SNX19: variants seen among roughly 807,000 people sequenced by gnomAD.
The protein encoded by SNX19 is sorting nexin 19, also known as sorting nexin-19.
SNX19 carries 60 observed loss-of-function variants against 85.2 expected under a neutral mutation model. That is an observed-to-expected ratio of 0.70 (90% CI 0.57 to 0.87). The LOEUF is 0.87. Ranked by LOEUF, SNX19 falls within the 40% of genes least tolerant of loss-of-function variation. SNX19 has a pLI of 0.00. For missense variants in SNX19, 1,201 were observed against 1,217.8 expected (o/e 0.99, Z 0.21); for synonymous variants, 520 against 470.0 (o/e 1.11, Z -1.38).
At chr11:130,902,956 A>G (rs1246633238) in intron 8 of SNX19, 4 of 279,354 alleles carry the variant, frequency 1.4e-5, no homozygotes, top group Non-Finnish European at 2.7e-5. Flanking sequence ...GCTGGAGGAT[A>G]TAACTGGGTG....
In SNX19 at chr11:130,878,410, G is replaced by T. The variant is rs376090100; in HGVS notation, c.*12C>A. On this transcript the variant is annotated 3_prime_UTR_variant, in exon 11 of 11. Transcript: ENST00000265909. ...TACTTCCCTGACCTGGGAAGAAGGC[G>T]TGAATAACCAGCTAAGAGGAGACAC... 1.9e-6 allele frequency: 3 copies of T among 1,612,320 alleles called. No individual in the cohort carries two copies. Among genetic ancestry groups the T allele is most frequent in the Non-Finnish European group, 2.5e-6 (3 of 1,179,016 alleles).
chr11:130,898,183 T>C (rs1271138266), intron 8 of SNX19, among the ~76,000 whole-genome samples: 5 of 147,218 alleles, frequency 3.4e-5, no homozygotes, highest in Admixed American at 2.7e-4. Context: ...GGATAGAGAG[T>C]GTGCTTATAA....
chr11:130,879,169 G>C (rs557261806), intron 10 of SNX19, among the ~76,000 whole-genome samples: 1 of 152,276 alleles, frequency 6.6e-6, no homozygotes, highest in East Asian at 1.9e-4. Context: ...TCCTGGTCTT[G>C]ACATGAATCA....
intron 5 of SNX19, 94 bp downstream of exon 5, chr11:130,907,859 C>A: frequency 6.4e-7 from 1 of 1,559,624 alleles, no homozygotes; most frequent in Non-Finnish European, 8.7e-7. Flanking sequence ...ACCTCCTTTC[C>A]TCTAGGGCTT....
At chr11:130,908,624 T>G (rs1308789333) in intron 4 of SNX19, among the ~76,000 whole-genome samples, 1 of 152,226 alleles carries the variant, frequency 6.6e-6, no homozygotes, top group East Asian at 1.9e-4. Flanking sequence ...CAATTTCTCT[T>G]CTTTAGGTAC....
At chr11:130,902,007 A>T (rs772962399) in intron 8 of SNX19, among the ~76,000 whole-genome samples, 2 of 152,206 alleles carry the variant, frequency 1.3e-5, no homozygotes, top group African/African-American at 2.4e-5. Flanking sequence ...AGGGACAAAG[A>T]CCAGTCAGCA....
intron 1 of SNX19, among the ~76,000 whole-genome samples, chr11:130,912,929 C>T (rs2135420150): frequency 6.6e-6 from 1 of 152,258 alleles, no homozygotes; most frequent in South Asian, 2.1e-4. Context: ...AATTTAAAAT[C>T]AGTTATATGT....
chr11:130,879,487 T>TAG (rs1411066803), intron 10 of SNX19, 137 bp downstream of exon 10: 35 of 692,478 alleles, frequency 5.1e-5, no homozygotes, highest in Non-Finnish European at 8.3e-5. Context: ...TCAAACTCTG[T>TAG]AGTCAGTGCC....
In SNX19 at chr11:130,915,094, G is replaced by A. The variant is rs1277595983; in HGVS notation, c.846C>T (p.Pro282=). 1.9e-6 allele frequency: 3 copies of A among 1,613,526 alleles called. No individual in the cohort carries two copies. The highest frequency in any genetic ancestry group is 2.2e-5 in the East Asian group (1 of 44,870). ...RDPAPCPASA[P]EQPSVPTSLP... Reference sequence around the variant, plus strand: ...GAGATGTCGGCACTGAGGGCTGTTCGGGGGCACTGGCTGGGCAGGGTGCTG... The same window carrying A: ...GAGATGTCGGCACTGAGGGCTGTTCAGGGGCACTGGCTGGGCAGGGTGCTG... The change falls in exon 1 of 11, where the codon CCC becomes CCT. Residue 282 remains proline, a synonymous_variant. Coordinates refer to ENST00000265909, the MANE Select transcript of SNX19 (RefSeq NM_014758.3).
chr11:130,889,841 A>T (rs1944374794), intron 8 of SNX19, among the ~76,000 whole-genome samples: 1 of 152,192 alleles, frequency 6.6e-6, no homozygotes. Flanking sequence ...CAGAAAATTT[A>T]AAAACCTTGC....
chr11:130,869,415 T>C lies in SNX19; in HGVS notation c.*9007A>G, dbSNP rs1420887498. The C allele has an allele frequency of 6.6e-6, 1 of 152,244 alleles. No homozygotes were observed. Among genetic ancestry groups the C allele is most frequent in the East Asian group, 1.9e-4 (1 of 5,200 alleles). 9.4% of individuals were successfully genotyped at this position (152,244 alleles called of 1,614,324 possible). On this transcript the variant is annotated 3_prime_UTR_variant, in exon 11 of 11. Coordinates refer to ENST00000265909, the MANE Select transcript of SNX19 (RefSeq NM_014758.3). Reference sequence around the variant, plus strand: ...TCATCTTTCCCATTTGAGCATTAATTACTCAGTATTTTCTCATCAGTTTTC... The same window carrying C: ...TCATCTTTCCCATTTGAGCATTAATCACTCAGTATTTTCTCATCAGTTTTC...
At chr11:130,887,956 G>A (rs1944202984) in intron 8 of SNX19, among the ~76,000 whole-genome samples, 1 of 152,026 alleles carries the variant, frequency 6.6e-6, no homozygotes, top group African/African-American at 2.4e-5. Context: ...AAGAACATAG[G>A]GGATTGAGCC....
chr11:130,915,214 G>C lies in SNX19; in HGVS notation c.726C>G (p.Ile242Met). The change falls in exon 1 of 11, where the codon ATC becomes ATG. Residue 242 changes from isoleucine to methionine, a missense_variant. By Grantham distance (10) the Ile-to-Met change is conservative. Around this residue, in one of 3 missense-constraint regions of SNX19, gnomAD observed 791 missense variants for 750.9 expected, o/e 1.05. Coordinates refer to ENST00000265909, the MANE Select transcript of SNX19 (RefSeq NM_014758.3). ...RTGRHVVVELITCNVILPLIS... is the reference protein window; with the variant it reads ...RTGRHVVVELMTCNVILPLIS... ...TCAGTGGTAAGATTACATTGCATGTGATGAGTTCGACCACTACATGGCGTC... is the reference window on the plus strand; with the variant it reads ...TCAGTGGTAAGATTACATTGCATGTCATGAGTTCGACCACTACATGGCGTC... 6.2e-7 allele frequency: 1 copy of C among 1,614,248 alleles called. No homozygotes were observed. The highest frequency in any genetic ancestry group is 8.5e-7 in the Non-Finnish European group (1 of 1,180,050).
Position 130,884,738 on chromosome 11 carries a change from C to T in SNX19, c.2574-3932G>A, listed in dbSNP as rs75070285. Among the ~76,000 whole-genome samples the T allele has an allele frequency of 6.7e-3, 1,018 of 151,748 alleles. 6 individuals carry two copies. Among genetic ancestry groups the T allele is most frequent in the Non-Finnish European group, 0.01 (689 of 67,902 alleles). The stretch of plus-strand genomic sequence containing the variant: ...AAAAAAAATTAGCTGGGCACGGTGG[C>T]GCACGCCTGTAGTCTCCAGCTACTC... On this transcript the variant is annotated intron_variant, in intron 8 of 10. Transcript: ENST00000265909.
intron 1 of SNX19, 74 bp downstream of exon 1, chr11:130,914,192 G>T: frequency 7.8e-7 from 1 of 1,282,990 alleles, no homozygotes; most frequent in Non-Finnish European, 1.1e-6. Context: ...TCTCCCCCAA[G>T]AACATTTGCT....
rs1322606281 is a variant in SNX19 at position 130,872,015 on chromosome 11, G to GT, written c.*6406dup. Among the ~76,000 whole-genome samples, 1 of 152,048 alleles carries GT rather than the reference G, an allele frequency of 6.6e-6. No individual in the cohort carries two copies. The highest frequency in any genetic ancestry group is 2.4e-5 in the African/African-American group (1 of 41,422). On this transcript the variant is annotated 3_prime_UTR_variant, in exon 11 of 11. Coordinates refer to ENST00000265909, the MANE Select transcript of SNX19 (RefSeq NM_014758.3). Reference sequence around the variant, plus strand: ...TCTTGATTACTGTTACCTTCGTTTTGTTTTTTTAATTCTCCCCTCCTAAGC... The same window carrying GT: ...TCTTGATTACTGTTACCTTCGTTTTGTTTTTTTTAATTCTCCCCTCCTAAGC...
At chr11:130,898,157 T>TA (rs1945008965) in intron 8 of SNX19, among the ~76,000 whole-genome samples, 1 of 151,562 alleles carries the variant, frequency 6.6e-6, no homozygotes, top group South Asian at 2.1e-4. Context: ...ACTCTGTTTT[T>TA]TTTTTTTCCT....
rs1297459941 is a variant in SNX19, at chr11:130,876,183, C to A, written c.*2239G>T. 6.6e-6 allele frequency: 1 copy of A among 152,194 alleles called. No individual in the cohort carries two copies. Among genetic ancestry groups the A allele is most frequent in the Non-Finnish European group, 1.5e-5 (1 of 68,028 alleles). The allele number at this position is 152,194 out of a possible 1,614,324, so 9.4% of individuals were successfully genotyped here. A position where few individuals can be genotyped will look rare whatever the true frequency, so the allele number is the denominator to read the frequency against. ...ACAATAAAACCTTCCTGGATCAGCA[C>A]AGGCCCAATTCTTCCCTGCCTTTTA... is the stretch of plus-strand genomic sequence containing the variant. On this transcript the variant is annotated 3_prime_UTR_variant, in exon 11 of 11. Transcript: ENST00000265909.
rs928967895 is a variant in SNX19 at position 130,866,915 on chromosome 11, C to T, written c.*11507G>A. On this transcript the variant is annotated 3_prime_UTR_variant, in exon 11 of 11. Coordinates refer to ENST00000265909, the MANE Select transcript of SNX19 (RefSeq NM_014758.3). Reference sequence around the variant, plus strand: ...CTGTGTGCTAGAGGTTGTTCTTAAACGTATGAGCTCATTTAGCTCCCGTGC... The same window carrying T: ...CTGTGTGCTAGAGGTTGTTCTTAAATGTATGAGCTCATTTAGCTCCCGTGC... 5 of 152,202 alleles carry T rather than the reference C, an allele frequency of 3.3e-5. No individual in the cohort carries two copies. The highest frequency in any genetic ancestry group is 6.5e-5 in the Admixed American group (1 of 15,280). 9.4% of individuals were successfully genotyped at this position (152,202 alleles called of 1,614,324 possible).
Sources: allele counts gnomAD v4.1 joint callset (sites outside exome capture counted in the v4.1 genomes callset), GRCh38; gene constraint gnomAD v4.1.1; regional missense constraint gnomAD v4.1.1; transcripts MANE v1.5; gene names NCBI Gene and HGNC (gene_info 2026-07-23, HGNC 2026-07-21).